Variants in ABL1 observed in about 807,000 individuals in gnomAD.
ABL1 encodes the protein tyrosine-protein kinase ABL1.
ABL1 carries 11 observed loss-of-function variants against 94.7 expected under a neutral mutation model. The observed-to-expected ratio is 0.12, with a 90% CI of 0.07 to 0.19. The LOEUF is 0.19. Ranked by LOEUF, ABL1 falls within the 10% of genes least tolerant of loss-of-function variation. The probability of loss-of-function intolerance (pLI) is 1.00; values close to 1 mark genes in which losing one functional copy is unlikely to be tolerated. For synonymous variants in ABL1, 656 were observed against 622.4 expected (o/e 1.05, Z -0.80); for missense variants, 1,082 against 1,489.4 (o/e 0.73, Z 4.50).
intron 1 of ABL1, among the ~76,000 whole-genome samples, chr9:130,801,806 A>G (rs1830059255): frequency 6.6e-6 from 1 of 152,034 alleles, no homozygotes; most frequent in South Asian, 2.1e-4. Flanking sequence ...ACCTGTTCCC[A>G]TACCTGCCCT....
At chr9:130,867,516 C>A (rs1432204914) in intron 4 of ABL1, among the ~76,000 whole-genome samples, 1 of 152,182 alleles carries the variant, frequency 6.6e-6, no homozygotes. Flanking sequence ...CATTTATGGC[C>A]TTGACCATAC....
chr9:130,775,094 G>C (rs905802706), intron 1 of ABL1, among the ~76,000 whole-genome samples: 1 of 152,138 alleles, frequency 6.6e-6, no homozygotes, highest in South Asian at 2.1e-4. Context: ...AGAGATACTA[G>C]GTTGCTAGAG....
intron 1 of ABL1, among the ~76,000 whole-genome samples, chr9:130,758,770 G>A (rs1832073429): frequency 6.6e-6 from 1 of 152,240 alleles, no homozygotes; most frequent in African/African-American, 2.4e-5. Flanking sequence ...GTTGTGAGAT[G>A]TGCAGTTGGG....
At chr9:130,860,724 T>C (rs1016708722) in intron 3 of ABL1, among the ~76,000 whole-genome samples, 2 of 152,218 alleles carry the variant, frequency 1.3e-5, no homozygotes, top group Admixed American at 1.3e-4. Context: ...GGAATGGCTT[T>C]TCTCACTTCT....
At chr9:130,833,449 G>A (rs1830517587), upstream of ABL1, among the ~76,000 whole-genome samples, 2 of 152,164 alleles carry the variant, frequency 1.3e-5, no homozygotes, top group South Asian at 4.1e-4. Context: ...CATGTTAGCA[G>A]TCACCACACG....
intron 1 of ABL1, among the ~76,000 whole-genome samples, chr9:130,769,598 C>T (rs1327795303): frequency 1.3e-5 from 2 of 152,036 alleles, no homozygotes; most frequent in Non-Finnish European, 2.9e-5. Context: ...CTTGGCCTCC[C>T]AAGGTGCTGG....
At chr9:130,830,466 G>T (rs1830481538), upstream of ABL1, among the ~76,000 whole-genome samples, 1 of 152,094 alleles carries the variant, frequency 6.6e-6, no homozygotes, top group African/African-American at 2.4e-5. Context: ...ATGAAAGGTG[G>T]GGCTCTCTGT....
At chr9:130,837,537 A>ACTCTAG (rs1830607234) in intron 1 of ABL1, among the ~76,000 whole-genome samples, 2 of 147,864 alleles carry the variant, frequency 1.4e-5, no homozygotes, top group Non-Finnish European at 3.0e-5. Flanking sequence ...TATAATGTTG[A>ACTCTAG]CTCTAAAGTC....
chr9:130,828,648 A>T (rs1240992552), intron 1 of ABL1, among the ~76,000 whole-genome samples: 3 of 152,198 alleles, frequency 2.0e-5, no homozygotes, highest in Non-Finnish European at 4.4e-5. Context: ...CAGAAGTTGT[A>T]GTGAGCCGAG....
intron 6 of ABL1, 96 bp from the exon 7 acceptor site, chr9:130,874,772 T>C (rs1831313322): frequency 1.5e-6 from 2 of 1,318,286 alleles, no homozygotes; most frequent in Non-Finnish European, 2.1e-6. Context: ...ACTCAATCTT[T>C]CCATTGTCAG....
exon 1 of ABL1, chr9:130,713,932 G>T: frequency 4.2e-6 from 1 of 235,808 alleles, no homozygotes; most frequent in Non-Finnish European, 8.3e-6. Flanking sequence ...AAGACCATCA[G>T]CGTTTCCTTT....
intron 1 of ABL1, among the ~76,000 whole-genome samples, chr9:130,731,457 T>C (rs1216964410): frequency 6.6e-6 from 1 of 152,184 alleles, no homozygotes; most frequent in Non-Finnish European, 1.5e-5. Flanking sequence ...CTCTTACATC[T>C]CATGTTTATA....
rs543185572 is a variant in ABL1, at chr9:130,829,439, G to C, written c.137-24625G>C. On this transcript the variant is annotated intron_variant, in intron 1 of 10. Coordinates refer to the ABL1 transcript ENST00000372348. ...TAGCAGGGCGTGGTGGCGGTCCCCTGTAGTCCGAGCTACTCGGGAGGCTGA... is the reference window on the plus strand; with the variant it reads ...TAGCAGGGCGTGGTGGCGGTCCCCTCTAGTCCGAGCTACTCGGGAGGCTGA... Among the ~76,000 whole-genome samples the C allele has an allele frequency of 3.3e-5, 5 of 152,202 alleles. No individual in the cohort carries two copies. The East Asian group carries it at 9.7e-4, about 30-fold the overall frequency.
chr9:130,884,590 C>T lies in ABL1; in HGVS notation c.2300C>T (p.Ala767Val), dbSNP rs376567477. ...AAGCCGGCTCTGCCTCGGAAGAGGG[C>T]AGGGGAGAACAGGTCTGACCAGGTG... Reference protein sequence around the residue: ...SEKPALPRKRAGENRSDQVTR... With the variant: ...SEKPALPRKRVGENRSDQVTR... The change falls in exon 11 of 11, where the codon GCA becomes GTA. Residue 767 changes from alanine to valine, a missense_variant. Transcript: ENST00000318560. This position sits in a 1 kb window ranked among gnomAD's most constrained non-coding sequence, Gnocchi z 5.6. 1.2e-5 allele frequency: 20 copies of T among 1,613,226 alleles called. No homozygotes were observed. The highest frequency in any genetic ancestry group is 1.7e-5 in the Non-Finnish European group (20 of 1,180,020).
At position 130,872,113 on chromosome 9, in the gene ABL1, T is replaced by C. The variant is rs752478261; in HGVS notation, c.823-16T>C. 54 of 1,612,850 alleles carry C rather than the reference T, an allele frequency of 3.3e-5. No individual in the cohort carries two copies. Among genetic ancestry groups the C allele is most frequent in the Non-Finnish European group, 4.5e-5 (53 of 1,179,248 alleles). ...CTTCCTGAAATAATTTCACCTTCGT[T>C]TTTTTCCTTCTGCAGGAGGACACCA... On this transcript the variant is annotated splice_polypyrimidine_tract_variant and intron_variant, in intron 4 of 10. Coordinates refer to ENST00000318560, the MANE Select transcript of ABL1 (RefSeq NM_005157.6). This position sits in a 1 kb window ranked among gnomAD's most constrained non-coding sequence, Gnocchi z 5.0.
At chr9:130,859,149 C>G (rs1588270799) in intron 3 of ABL1, among the ~76,000 whole-genome samples, 1 of 152,244 alleles carries the variant, frequency 6.6e-6, no homozygotes, top group South Asian at 2.1e-4. Flanking sequence ...TCACCACCTT[C>G]TGCCTAAAGT....
rs35381228 is a variant in ABL1 at position 130,880,663 on chromosome 9, C to T, written c.1677C>T (p.Ser559=). The T allele has an allele frequency of 1.8e-3, 2,879 of 1,612,932 alleles. 42 individuals are homozygous for T. In the African/African-American group the frequency reaches 0.034, roughly 19 times the overall value. ...CTCACTCCAAGGGCCAGGGAGAGAG[C>T]GGTAAGTCCCCCGCTTCCCCCAACC... The part of the protein sequence containing the change: ...EMPHSKGQGE[S]DPLDHEPAVS... Residue 559 remains serine, a splice_region_variant and synonymous_variant, in exon 10 of 11, where the codon AGC becomes AGT. Coordinates refer to ENST00000318560, the MANE Select transcript of ABL1 (RefSeq NM_005157.6). This position sits in a 1 kb window ranked among gnomAD's most constrained non-coding sequence, Gnocchi z 4.4.
intron 1 of ABL1, among the ~76,000 whole-genome samples, chr9:130,794,958 G>C (rs2132814833): frequency 6.6e-6 from 1 of 152,282 alleles, no homozygotes; most frequent in Middle Eastern, 3.4e-3. Context: ...TCTGACTGCA[G>C]GTTTCTTCTT....
chr9:130,736,544 G>T (rs1358824921), intron 1 of ABL1, among the ~76,000 whole-genome samples: 1 of 152,206 alleles, frequency 6.6e-6, no homozygotes, highest in African/African-American at 2.4e-5. Context: ...AGGCTGGAGT[G>T]CAGTAGTGTG....
Sources: allele counts gnomAD v4.1 joint callset (sites outside exome capture counted in the v4.1 genomes callset), GRCh38; gene constraint gnomAD v4.1.1; non-coding constraint Gnocchi (gnomAD v3.1); transcripts MANE v1.5; gene names NCBI Gene and HGNC (gene_info 2026-07-23, HGNC 2026-07-21).